VSTM4: variants seen among roughly 807,000 people sequenced by gnomAD.
VSTM4 encodes V-set and transmembrane domain containing 4.
In VSTM4, 20 loss-of-function variants were observed where a neutral mutation model predicts 36.4. The ratio of observed to expected loss-of-function variants is 0.55; its 90% CI spans 0.39 to 0.80. The LOEUF (loss-of-function observed/expected upper bound fraction) is 0.80, where lower values mean the gene tolerates loss of function less well. Among genes scored for constraint, VSTM4 ranks in the 30% least tolerant of loss-of-function variants. The probability of loss-of-function intolerance (pLI) is 0.00; values close to 1 mark genes in which losing one functional copy is unlikely to be tolerated. For missense variants in VSTM4, 392 were observed against 404.5 expected (o/e 0.97, Z 0.26); for synonymous variants, 182 against 173.9 (o/e 1.05, Z -0.37).
chr10:49,068,988 T>A (rs1422064288), intron 4 of VSTM4, among the ~76,000 whole-genome samples: 1 of 152,156 alleles, frequency 6.6e-6, no homozygotes, highest in Non-Finnish European at 1.5e-5. Flanking sequence ...CCTCTCCTGA[T>A]AAGAAGAAGC....
intron 5 of VSTM4, among the ~76,000 whole-genome samples, chr10:49,062,584 A>C (rs1270145283): frequency 2.0e-5 from 3 of 152,168 alleles, no homozygotes; most frequent in Admixed American, 6.5e-5. Flanking sequence ...AGTGGATTTT[A>C]TTGAGATTAT....
intron 6 of VSTM4, among the ~76,000 whole-genome samples, 187 bp downstream of exon 6, chr10:49,048,291 C>T (rs1004516007): frequency 5.9e-5 from 9 of 152,224 alleles, no homozygotes; most frequent in Non-Finnish European, 8.8e-5. Flanking sequence ...ACTGGGCTAA[C>T]GGCTGAGGTG....
chr10:49,104,435 A>T (rs1317789312), intron 2 of VSTM4, among the ~76,000 whole-genome samples: 1 of 152,208 alleles, frequency 6.6e-6, no homozygotes, highest in Non-Finnish European at 1.5e-5. Context: ...GGCCCTGCCC[A>T]GGAAGAACAG....
chr10:49,047,073 G>A (rs200567726), intron 6 of VSTM4, 29 bp from the exon 7 acceptor site: 2 of 1,609,682 alleles, frequency 1.2e-6, no homozygotes, highest in South Asian at 2.2e-5. Flanking sequence ...GGTTTAGCTT[G>A]CAGTTCCTCC....
In VSTM4 at chr10:49,077,283, G is replaced by A. The variant is rs1477550462; in HGVS notation, c.570C>T (p.Leu190=). The A allele has an allele frequency of 2.5e-6, 4 of 1,614,232 alleles. No homozygotes were observed. The highest frequency in any genetic ancestry group is 3.4e-6 in the Non-Finnish European group (4 of 1,180,048). Residue 190 remains leucine, a synonymous_variant, in exon 4 of 8, where the codon CTC becomes CTT. Transcript: ENST00000332853. ...YAVLVCCVGI[L]SILLFMLVIV... ...TGACCAGCATGAAGAGCAGAATGCTGAGGATCCCCACGCAGCACACGAGGA... is the reference window on the plus strand; with the variant it reads ...TGACCAGCATGAAGAGCAGAATGCTAAGGATCCCCACGCAGCACACGAGGA...
intron 7 of VSTM4, among the ~76,000 whole-genome samples, chr10:49,046,272 A>T (rs143624053): frequency 6.6e-6 from 1 of 152,256 alleles, no homozygotes; most frequent in East Asian, 1.9e-4. Context: ...ATTGAGGGAC[A>T]TTCTAAAAAA....
At chr10:49,112,345 T>G (rs1844909788) in intron 1 of VSTM4, among the ~76,000 whole-genome samples, 2 of 152,184 alleles carry the variant, frequency 1.3e-5, no homozygotes, top group Admixed American at 1.3e-4. Flanking sequence ...CTCTGGTAGT[T>G]GCAGAGAAAC....
intron 5 of VSTM4, among the ~76,000 whole-genome samples, chr10:49,056,778 G>A (rs1479218390): frequency 6.6e-6 from 1 of 152,218 alleles, no homozygotes; most frequent in African/African-American, 2.4e-5. Flanking sequence ...AAGACATTCT[G>A]AGCCGTCTTT....
chr10:49,056,594 G>T (rs150198458), intron 5 of VSTM4, among the ~76,000 whole-genome samples: 4 of 152,206 alleles, frequency 2.6e-5, no homozygotes, highest in African/African-American at 9.6e-5. Context: ...CCCTGCCCAG[G>T]GGAGCCTGCC....
intron 3 of VSTM4, among the ~76,000 whole-genome samples, chr10:49,082,186 C>G (rs1844291279): frequency 1.3e-5 from 2 of 152,220 alleles, no homozygotes; most frequent in African/African-American, 4.8e-5. Flanking sequence ...CCAGTGGTGC[C>G]AGATCTTCCA....
At position 49,036,289 on chromosome 10, in the gene VSTM4, C is replaced by T. The variant is rs555375120; in HGVS notation, c.837+10694G>A. ...AACAATAATGGGCTGTGCATGTGTA[C>T]CTAGGGGAGCATAGAAATTTTATCT... On this transcript the variant is annotated intron_variant, in intron 7 of 7. Transcript: ENST00000332853. 2.0e-3 allele frequency among the ~76,000 whole-genome samples: 299 copies of T among 152,286 alleles called. 1 individual carries two copies. The highest frequency in any genetic ancestry group is 3.8e-3 in the Non-Finnish European group (256 of 68,016).
intron 2 of VSTM4, among the ~76,000 whole-genome samples, chr10:49,099,998 A>G (rs1358486569): frequency 6.6e-6 from 1 of 152,196 alleles, no homozygotes; most frequent in African/African-American, 2.4e-5. Context: ...TCTGGGAGAC[A>G]GAGCCAGACT....
At chr10:49,092,560 G>C (rs1173631555) in intron 2 of VSTM4, among the ~76,000 whole-genome samples, 1 of 152,194 alleles carries the variant, frequency 6.6e-6, no homozygotes, top group Non-Finnish European at 1.5e-5. Context: ...GCTGGGAAGA[G>C]AAGAGTATGG....
chr10:49,115,079 T>C (rs1233821172), intron 1 of VSTM4, among the ~76,000 whole-genome samples: 2 of 152,152 alleles, frequency 1.3e-5, no homozygotes, highest in Non-Finnish European at 2.9e-5. Context: ...GTGTCCTGAC[T>C]GCCGTGGAAA....
intron 7 of VSTM4, among the ~76,000 whole-genome samples, chr10:49,027,252 T>C (rs1183256951): frequency 2.0e-5 from 3 of 152,110 alleles, no homozygotes; most frequent in Non-Finnish European, 2.9e-5. Flanking sequence ...AATGACCAAC[T>C]CATTCATTTA....
At chr10:49,096,444 A>T (rs763079898) in intron 2 of VSTM4, among the ~76,000 whole-genome samples, 13 of 152,216 alleles carry the variant, frequency 8.5e-5, no homozygotes, top group Non-Finnish European at 1.5e-4. Context: ...ATGTGGGTTT[A>T]GAGTGAATTA....
At chr10:49,111,904 A>G (rs564158749) in intron 1 of VSTM4, among the ~76,000 whole-genome samples, 1 of 152,284 alleles carries the variant, frequency 6.6e-6, no homozygotes, top group African/African-American at 2.4e-5. Flanking sequence ...GGTCAGGGGA[A>G]GGGACTCTGG....
chr10:49,048,700 G>T, intron 5 of VSTM4, 116 bp from the exon 6 acceptor site: 1 of 780,836 alleles, frequency 1.3e-6, no homozygotes, highest in Non-Finnish European at 2.0e-6. Flanking sequence ...GTGTACCTGT[G>T]TAAGGGAAGG....
chr10:49,073,924 G>T (rs1181177430), intron 4 of VSTM4, among the ~76,000 whole-genome samples: 3 of 152,118 alleles, frequency 2.0e-5, no homozygotes, highest in Non-Finnish European at 2.9e-5. Flanking sequence ...ATGTTTAAAG[G>T]GTGTGCAAAT....
Sources: gnomAD v4.1 joint callset for allele counts (sites outside exome capture counted in the v4.1 genomes callset) on GRCh38, gnomAD v4.1.1 for gene constraint, MANE v1.5 for transcripts, NCBI Gene and HGNC (gene_info 2026-07-23, HGNC 2026-07-21) for gene names.